Variants in HECTD4 observed in about 807,000 individuals in gnomAD.
HECTD4 encodes HECT domain E3 ubiquitin protein ligase 4.
A neutral mutation model predicts 471.5 loss-of-function variants in HECTD4; 114 were observed. The ratio of observed to expected loss-of-function variants is 0.24; its 90% CI spans 0.21 to 0.28. HECTD4 has a LOEUF of 0.28. Ranked by LOEUF, HECTD4 falls within the 10% of genes least tolerant of loss-of-function variation. The pLI is 1.00. For missense variants in HECTD4, 3,866 were observed against 5,651.5 expected (o/e 0.68, Z 10.13); for synonymous variants, 2,012 against 2,256.0 (o/e 0.89, Z 3.07).
At chr12:112,338,097 G>A (rs2135723075) in intron 1 of HECTD4, among the ~76,000 whole-genome samples, 1 of 152,246 alleles carries the variant, frequency 6.6e-6, no homozygotes, top group Admixed American at 6.5e-5. Context: ...GTGTCGGCAG[G>A]GCTGCACTCC....
At chr12:112,316,054 A>G (rs1260731869) in intron 2 of HECTD4, among the ~76,000 whole-genome samples, 1 of 152,124 alleles carries the variant, frequency 6.6e-6, no homozygotes, top group African/African-American at 2.4e-5. Context: ...AGATTTTAAG[A>G]GTAAAATGTA....
chr12:112,255,703 T>C (rs1407076535), intron 21 of HECTD4, among the ~76,000 whole-genome samples: 2 of 152,186 alleles, frequency 1.3e-5, no homozygotes, highest in African/African-American at 4.8e-5. Context: ...TGTTACATAT[T>C]TCATTAGCCT....
At chr12:112,333,369 T>C (rs530046018) in intron 1 of HECTD4, among the ~76,000 whole-genome samples, 1 of 152,398 alleles carries the variant, frequency 6.6e-6, no homozygotes, top group South Asian at 2.1e-4. Flanking sequence ...CTTGTTATTA[T>C]GTATTTCTGA....
At chr12:112,315,770 C>T (rs1032220560) in intron 2 of HECTD4, among the ~76,000 whole-genome samples, 2 of 151,956 alleles carry the variant, frequency 1.3e-5, no homozygotes, top group African/African-American at 4.8e-5. Context: ...GTGGCTCACA[C>T]CTGTAATCCC....
intron 7 of HECTD4, among the ~76,000 whole-genome samples, chr12:112,295,709 G>T (rs1488157792): frequency 6.6e-6 from 1 of 150,468 alleles, no homozygotes; most frequent in Non-Finnish European, 1.5e-5. Context: ...TGGTGTGATT[G>T]TACTTCTCTG....
rs2035335008 is a variant in HECTD4 at position 112,309,685 on chromosome 12, C to G, written c.917-16G>C. On this transcript the variant is annotated splice_polypyrimidine_tract_variant and intron_variant, in intron 4 of 75. Transcript: ENST00000682272. ...AAGTCAGCATCTGAAATCGTTTTTT[C>G]ACAGGTAAATTATATATATGTTTTT... The G allele has an allele frequency of 1.6e-6, 2 of 1,254,996 alleles. No individual in the cohort carries two copies. The highest frequency in any genetic ancestry group is 2.2e-6 in the Non-Finnish European group (2 of 897,776). 77.7% of individuals were successfully genotyped at this position (1,254,996 alleles called of 1,614,324 possible).
At chr12:112,177,444 A>T (rs1170425626) in intron 64 of HECTD4, among the ~76,000 whole-genome samples, 1 of 144,274 alleles carries the variant, frequency 6.9e-6, no homozygotes, top group African/African-American at 2.7e-5. Context: ...CAGTGGCGTG[A>T]CCTCGGCTCA....
intron 1 of HECTD4, among the ~76,000 whole-genome samples, chr12:112,352,069 A>T (rs954363310): frequency 1.3e-5 from 2 of 152,210 alleles, no homozygotes; most frequent in Non-Finnish European, 2.9e-5. Flanking sequence ...TTATAGGGAA[A>T]CTAATAACTT....
intron 72 of HECTD4, among the ~76,000 whole-genome samples, chr12:112,165,956 C>G (rs954276344): frequency 1.3e-5 from 2 of 152,222 alleles, no homozygotes; most frequent in African/African-American, 4.8e-5. Context: ...TACCCCTTCA[C>G]CGCAGACACT....
intron 53 of HECTD4, 29 bp from the exon 54 acceptor site, chr12:112,203,801 A>C (rs1438846728): frequency 6.7e-7 from 1 of 1,495,194 alleles, no homozygotes; most frequent in Non-Finnish European, 9.0e-7. Context: ...GAAGTTTTTC[A>C]GGAAAAAGTA....
chr12:112,208,096 C>T, intron 51 of HECTD4, 96 bp from the exon 52 acceptor site: 1 of 1,361,620 alleles, frequency 7.3e-7, no homozygotes, highest in Non-Finnish European at 9.9e-7. Flanking sequence ...GGTCTTCACC[C>T]CACTTAAATG....
chr12:112,264,044 C>A (rs1400345971), intron 17 of HECTD4, 40 bp downstream of exon 17: 11 of 1,502,270 alleles, frequency 7.3e-6, no homozygotes, highest in South Asian at 1.4e-5. Flanking sequence ...GCTTTTCACA[C>A]TGGGTAGAAC....
intron 17 of HECTD4, among the ~76,000 whole-genome samples, chr12:112,262,401 A>C (rs1262703598): frequency 6.6e-6 from 1 of 150,448 alleles, no homozygotes; most frequent in Non-Finnish European, 1.5e-5. Flanking sequence ...CTGTAATCCC[A>C]GCTACTCGGG....
chr12:112,236,953 A>C lies in HECTD4; in HGVS notation c.5436T>G (p.Asp1812Glu), dbSNP rs1566082889. The C allele has an allele frequency of 1.2e-6, 2 of 1,610,024 alleles. No individual in the cohort carries two copies. The highest frequency in any genetic ancestry group is 1.7e-6 in the Non-Finnish European group (2 of 1,177,892). ...GGCTGGACCTTGCATACCTTGAGAG[A>C]TCATTGAGAAGACTAAGGACATCCT... ...ALQDVLSLLNDLSRSHIGKAI... is the reference protein window; with the variant it reads ...ALQDVLSLLNELSRSHIGKAI... The change falls in exon 35 of 76, where the codon GAT (aspartate) becomes GAG (glutamate). Residue 1812 changes from aspartate to glutamate, a missense_variant. Transcript: ENST00000682272.
At chr12:112,257,725 T>C (rs1456756527) in intron 20 of HECTD4, among the ~76,000 whole-genome samples, 2 of 152,232 alleles carry the variant, frequency 1.3e-5, no homozygotes, top group East Asian at 3.8e-4. Flanking sequence ...AATTTGCTTA[T>C]CCATTCACTT....
chr12:112,259,637 G>A lies in HECTD4; in HGVS notation c.2874-372C>T, dbSNP rs543353392. On this transcript the variant is annotated intron_variant, in intron 18 of 75. Coordinates refer to ENST00000682272, the MANE Select transcript of HECTD4 (RefSeq NM_001388303.1). ...TGGGTACAAGTGATCCTCCCACCTC[G>A]GTCTCCCAAATTGTTGGGATTACAG... Among the ~76,000 whole-genome samples, 125 of 149,682 alleles carry A rather than the reference G, an allele frequency of 8.4e-4. 1 individual carries two copies. Among genetic ancestry groups the A allele is most frequent in the African/African-American group, 2.9e-3 (119 of 40,454 alleles).
In HECTD4 at chr12:112,283,147, A is replaced by G; in HGVS notation, c.1491T>C (p.Gly497=). The change falls in exon 8 of 76, where the codon GGT becomes GGC. Residue 497 remains glycine (G), a synonymous_variant. Transcript: ENST00000682272. ...SPSATLAALT[G]STISNTLKED... is the part of the protein sequence containing the mutation. ...CTTTCAGTGTGTTGGAGATGGTGGA[A>G]CCAGTCAGGGCAGCAAGCGTTGCTG... 2 of 1,613,752 alleles carry G rather than the reference A, an allele frequency of 1.2e-6. No individual in the cohort carries two copies. The highest frequency in any genetic ancestry group is 2.2e-5 in the East Asian group (1 of 44,886).
intron 24 of HECTD4, 38 bp from the exon 25 acceptor site, chr12:112,250,415 C>T (rs1309143107): frequency 1.4e-6 from 2 of 1,416,888 alleles, no homozygotes; most frequent in South Asian, 2.3e-5. Flanking sequence ...CTTCCTCTCT[C>T]AACAAGAGTA....
Position 112,366,566 on chromosome 12 carries a change from G to A in HECTD4, c.177+15386C>T, listed in dbSNP as rs558040767. ...TTGAAAAAATTGCCTGTTGCTGGGC[G>A]CAACATTCTTAATTATTTCAACATT... On this transcript the variant is annotated intron_variant, in intron 1 of 75. Transcript: ENST00000682272. Among the ~76,000 whole-genome samples, 7 of 151,296 alleles carry A rather than the reference G, an allele frequency of 4.6e-5. No individual in the cohort carries two copies. In the South Asian group the frequency reaches 6.3e-4, roughly 14 times the overall value.
Sources: allele counts gnomAD v4.1 joint callset (sites outside exome capture counted in the v4.1 genomes callset), GRCh38; gene constraint gnomAD v4.1.1; transcripts MANE v1.5; gene names NCBI Gene and HGNC (gene_info 2026-07-23, HGNC 2026-07-21).